The following LRRTM4 variants were observed in gnomAD, a reference collection of about 807,000 sequenced individuals.
The protein encoded by LRRTM4 is leucine-rich repeat transmembrane neuronal protein 4.
A neutral mutation model predicts 47.6 loss-of-function variants in LRRTM4; 25 were observed. The ratio of observed to expected loss-of-function variants is 0.53; its 90% CI spans 0.38 to 0.73. The LOEUF is 0.73. Ranked by LOEUF, LRRTM4 falls within the 30% of genes least tolerant of loss-of-function variation. The pLI, the probability that LRRTM4 is intolerant of heterozygous loss-of-function variation, is 0.00. For synonymous variants in LRRTM4, 311 were observed against 269.5 expected (o/e 1.15, Z -1.51); for missense variants, 638 against 713.4 (o/e 0.89, Z 1.20).
chr2:76,860,441 T>C (rs1672279845), intron 3 of LRRTM4, among the ~76,000 whole-genome samples: 1 of 152,190 alleles, frequency 6.6e-6, no homozygotes, highest in African/African-American at 2.4e-5. Context: ...TGAAACTGTG[T>C]GCAGATTATC....
At chr2:76,917,051 C>T (rs553557674) in intron 3 of LRRTM4, among the ~76,000 whole-genome samples, 1 of 152,224 alleles carries the variant, frequency 6.6e-6, no homozygotes, top group East Asian at 1.9e-4. Context: ...GTTAATACAT[C>T]CTTTTTGGTG....
At chr2:77,502,461 A>G (rs1678605720) in intron 3 of LRRTM4, among the ~76,000 whole-genome samples, 1 of 151,598 alleles carries the variant, frequency 6.6e-6, no homozygotes, top group Non-Finnish European at 1.5e-5. Flanking sequence ...ATATAAATTT[A>G]TCAATATTTT....
At chr2:76,852,922 G>C (rs1426177457) in intron 3 of LRRTM4, among the ~76,000 whole-genome samples, 1 of 152,094 alleles carries the variant, frequency 6.6e-6, no homozygotes, top group Non-Finnish European at 1.5e-5. Context: ...CTTTCTTTCA[G>C]ACAGGGAAGA....
intron 3 of LRRTM4, among the ~76,000 whole-genome samples, chr2:76,820,557 TG>T (rs1671025062): frequency 6.6e-6 from 1 of 151,776 alleles, no homozygotes; most frequent in African/African-American, 2.4e-5. Flanking sequence ...GATAAAAAAA[TG>T]ATGGATTCAG....
chr2:77,262,926 G>C (rs576668109), intron 3 of LRRTM4, among the ~76,000 whole-genome samples: 63 of 152,182 alleles, frequency 4.1e-4, no homozygotes, highest in Middle Eastern at 6.8e-3. Context: ...CCATACTAGA[G>C]TTTATATCAA....
chr2:77,342,322 C>G (rs1401289809), intron 3 of LRRTM4, among the ~76,000 whole-genome samples: 1 of 151,846 alleles, frequency 6.6e-6, no homozygotes. Flanking sequence ...TACAACTGTG[C>G]AGGTCAGGAA....
chr2:76,944,167 TTCAC>T (rs994412484), intron 3 of LRRTM4, among the ~76,000 whole-genome samples: 38 of 152,206 alleles, frequency 2.5e-4, no homozygotes, highest in African/African-American at 7.9e-4. Context: ...CACACTAGCT[TTCAC>T]TGTGTTTTCT....
chr2:77,095,801 CTG>C (rs1023405495), intron 3 of LRRTM4, among the ~76,000 whole-genome samples: 2 of 152,164 alleles, frequency 1.3e-5, no homozygotes, highest in Non-Finnish European at 2.9e-5. Flanking sequence ...GTGTAAGCCA[CTG>C]TGCCTGGCCT....
chr2:77,241,414 TA>T (rs1675263206), intron 3 of LRRTM4, among the ~76,000 whole-genome samples: 1 of 151,748 alleles, frequency 6.6e-6, no homozygotes, highest in Admixed American at 6.6e-5. Context: ...ACATTTAGTT[TA>T]AAATGAGTCA....
chr2:77,122,139 A>G (rs1454185428), intron 3 of LRRTM4, among the ~76,000 whole-genome samples: 1 of 151,754 alleles, frequency 6.6e-6, no homozygotes, highest in African/African-American at 2.4e-5. Flanking sequence ...ACAGCTAGAT[A>G]TATTAAACAA....
chr2:77,340,921 TA>T (rs1671349740), intron 3 of LRRTM4, among the ~76,000 whole-genome samples: 1 of 151,938 alleles, frequency 6.6e-6, no homozygotes, highest in Admixed American at 6.6e-5. Context: ...CACAATCTCA[TA>T]AAATACCTCT....
intron 3 of LRRTM4, chr2:77,517,638 A>AG: frequency 1.0e-6 from 1 of 983,226 alleles, no homozygotes; most frequent in Admixed American, 6.2e-5. Flanking sequence ...CAAACAAAAA[A>AG]AGAAGGAAGA....
Position 77,237,761 on chromosome 2 carries a change from G to A in LRRTM4, c.1551+280557C>T, listed in dbSNP as rs148564214. Among the ~76,000 whole-genome samples the A allele has an allele frequency of 1.9e-3, 288 of 152,248 alleles. 3 individuals are homozygous for A. Among genetic ancestry groups the A allele is most frequent in the African/African-American group, 6.5e-3 (269 of 41,554 alleles). On this transcript the variant is annotated intron_variant, in intron 3 of 3. Transcript: ENST00000409884. Reference sequence around the variant, plus strand: ...CTGCCATTATGGCAGGAAATACACAGAGCTCTAACTAGATCATTCCTTACT... The same window carrying A: ...CTGCCATTATGGCAGGAAATACACAAAGCTCTAACTAGATCATTCCTTACT...
intron 3 of LRRTM4, among the ~76,000 whole-genome samples, chr2:77,332,795 A>G (rs1451932113): frequency 2.0e-5 from 3 of 152,200 alleles, no homozygotes; most frequent in East Asian, 1.9e-4. Context: ...ATAGAATTCT[A>G]TAGTTTCAAC....
At chr2:76,962,057 T>C (rs145801386) in intron 3 of LRRTM4, among the ~76,000 whole-genome samples, 87 of 151,350 alleles carry the variant, frequency 5.7e-4, no homozygotes, top group African/African-American at 1.9e-3. Flanking sequence ...GTATACATGT[T>C]GAATCTAAGC....
intron 3 of LRRTM4, among the ~76,000 whole-genome samples, chr2:77,286,615 C>T (rs1432142393): frequency 1.3e-5 from 2 of 150,392 alleles, no homozygotes; most frequent in Middle Eastern, 3.2e-3. Context: ...AAAAAAAAAA[C>T]TCTAGCAAAG....
chr2:77,133,566 T>C (rs1671857248), intron 3 of LRRTM4, among the ~76,000 whole-genome samples: 1 of 152,036 alleles, frequency 6.6e-6, no homozygotes, highest in African/African-American at 2.4e-5. Flanking sequence ...CTTCATCCAC[T>C]ACTAGGTTAA....
At chr2:77,392,966 T>A (rs1261419757) in intron 3 of LRRTM4, among the ~76,000 whole-genome samples, 1 of 151,990 alleles carries the variant, frequency 6.6e-6, no homozygotes, top group Admixed American at 6.6e-5. Context: ...TATTGAAACA[T>A]CATGTATGCC....
chr2:76,956,283 T>C (rs919155829), intron 3 of LRRTM4, among the ~76,000 whole-genome samples: 2 of 151,274 alleles, frequency 1.3e-5, no homozygotes, highest in African/African-American at 2.4e-5. Flanking sequence ...TAGAAATTAA[T>C]AGCAGAATAA....
Sources: gnomAD v4.1 joint callset for allele counts (sites outside exome capture counted in the v4.1 genomes callset) on GRCh38, gnomAD v4.1.1 for gene constraint, MANE v1.5 for transcripts, NCBI Gene and HGNC (gene_info 2026-07-23, HGNC 2026-07-21) for gene names.